SOX5: variants seen among roughly 807,000 people sequenced by gnomAD.
SOX5 encodes SRY-box transcription factor 5, also known as transcription factor SOX-5.
Under a neutral mutation model 92.0 loss-of-function variants are expected in SOX5, and 9 were observed. The observed-to-expected ratio is 0.10, with a 90% CI of 0.06 to 0.17. The LOEUF is 0.17. SOX5 is among the 10% of genes least tolerant of loss of function. The pLI is 1.00. For missense variants in SOX5, 642 were observed against 944.5 expected (o/e 0.68, Z 4.20); for synonymous variants, 344 against 336.3 (o/e 1.02, Z -0.25).
intron 4 of SOX5, among the ~76,000 whole-genome samples, chr12:24,030,130 A>G (rs778017859): frequency 2.0e-5 from 3 of 151,958 alleles, no homozygotes; most frequent in African/African-American, 4.8e-5. Context: ...CTGGCTCTAG[A>G]AAGTATGCTC....
At chr12:24,109,776 A>G (rs552546468) in intron 4 of SOX5, among the ~76,000 whole-genome samples, 2 of 152,356 alleles carry the variant, frequency 1.3e-5, no homozygotes, top group South Asian at 4.1e-4. Context: ...AAAATATCAG[A>G]TGTTGAAAAT....
intron 4 of SOX5, among the ~76,000 whole-genome samples, chr12:23,747,635 G>C (rs771804848): frequency 6.6e-6 from 1 of 152,010 alleles, no homozygotes; most frequent in Non-Finnish European, 1.5e-5. Context: ...TCTTCGCCCA[G>C]ACCCAGGTTT....
At chr12:23,979,820 C>T (rs1949359554) in intron 4 of SOX5, among the ~76,000 whole-genome samples, 2 of 140,476 alleles carry the variant, frequency 1.4e-5, no homozygotes, top group Admixed American at 7.7e-5. Flanking sequence ...TAGGCTCAAG[C>T]AATCCTCCTG....
intron 3 of SOX5, among the ~76,000 whole-genome samples, chr12:24,224,404 C>A (rs1565693183): frequency 6.6e-6 from 1 of 150,984 alleles, no homozygotes; most frequent in Non-Finnish European, 1.5e-5. Context: ...TGGTAATAAG[C>A]TATTTGAAAG....
At position 23,740,921 on chromosome 12, in the gene SOX5, A is replaced by C. The variant is rs1593899068; in HGVS notation, c.687T>G (p.Ser229=). 1.9e-6 allele frequency: 3 copies of C among 1,613,086 alleles called. No homozygotes were observed. Among genetic ancestry groups the C allele is most frequent in the Non-Finnish European group, 2.5e-6 (3 of 1,179,422 alleles). The change falls in exon 5 of 15, where the codon TCT becomes TCG. Residue 229 remains serine, a synonymous_variant. Transcript: ENST00000451604. The part of the protein sequence containing the change: ...AHDEQKKLAA[S]QIEKQRQQME... ...TTTGCTGACGCTGTTTCTCAATCTG[A>C]GAGGCAGCTAGTTTCTTCTGCTCAT... is the stretch of plus-strand genomic sequence containing the variant.
At chr12:23,537,601 A>G (rs1940840315) in intron 13 of SOX5, among the ~76,000 whole-genome samples, 1 of 152,256 alleles carries the variant, frequency 6.6e-6, no homozygotes, top group Admixed American at 6.5e-5. Flanking sequence ...TGCTTTAGTA[A>G]TAATAACCCA....
chr12:24,520,340 T>G (rs539738187), intron 1 of SOX5, among the ~76,000 whole-genome samples: 1 of 151,872 alleles, frequency 6.6e-6, no homozygotes, highest in South Asian at 2.1e-4. Flanking sequence ...CGATAAAAAT[T>G]TGTTAGAGGA....
intron 3 of SOX5, among the ~76,000 whole-genome samples, chr12:24,218,672 T>A (rs1382833190): frequency 1.3e-5 from 2 of 152,158 alleles, no homozygotes; most frequent in African/African-American, 2.4e-5. Flanking sequence ...AAAAATTACA[T>A]ACTATGAAAC....
At position 24,410,566 on chromosome 12, in the gene SOX5, G is replaced by C. The variant is rs75874638; in HGVS notation, c.-250-41927C>G. The stretch of plus-strand genomic sequence containing the variant: ...ACTCCAAGAATGAACTGTTGAAAAG[G>C]CTGTTTTTTTCTGTTGAATTGCTTT... On this transcript the variant is annotated intron_variant, in intron 1 of 4. Transcript: ENST00000446891. 4.5e-3 allele frequency among the ~76,000 whole-genome samples: 684 copies of C among 152,242 alleles called. 11 individuals carry two copies. In the East Asian group the frequency reaches 0.051, roughly 11 times the overall value.
At chr12:24,225,036 C>T (rs16927325) in intron 3 of SOX5, among the ~76,000 whole-genome samples, 56,343 of 151,990 alleles carry the variant, frequency 0.37, 10,911 homozygotes, top group East Asian at 0.73. Flanking sequence ...AATTATATGG[C>T]CATTGGATAA....
At chr12:23,948,753 G>A (rs1945030944) in intron 1 of SOX5, among the ~76,000 whole-genome samples, 1 of 151,908 alleles carries the variant, frequency 6.6e-6, no homozygotes, top group African/African-American at 2.4e-5. Context: ...ACATTAAGAG[G>A]GCTAAAATTC....
chr12:23,984,240 C>T (rs1207251467), intron 4 of SOX5, among the ~76,000 whole-genome samples: 1 of 152,094 alleles, frequency 6.6e-6, no homozygotes, highest in Non-Finnish European at 1.5e-5. Context: ...AATTGAGGGA[C>T]ACAGAAAAGT....
chr12:23,967,355 T>G (rs1271084245), intron 4 of SOX5, among the ~76,000 whole-genome samples: 1 of 152,054 alleles, frequency 6.6e-6, no homozygotes, highest in African/African-American at 2.4e-5. Context: ...AAAAAGTATA[T>G]TAAATATACA....
chr12:24,521,218 AT>A (rs1344844341), intron 1 of SOX5, among the ~76,000 whole-genome samples: 2 of 151,366 alleles, frequency 1.3e-5, no homozygotes, highest in Non-Finnish European at 2.9e-5. Flanking sequence ...CCACACCCGG[AT>A]AATTTTTGTA....
intron 3 of SOX5, among the ~76,000 whole-genome samples, chr12:23,757,843 A>C (rs1169961868): frequency 1.3e-5 from 2 of 151,842 alleles, no homozygotes; most frequent in Non-Finnish European, 2.9e-5. Flanking sequence ...TAGTGTGCTC[A>C]TAAAGAAACA....
chr12:24,050,199 T>C (rs1002346863), intron 4 of SOX5, among the ~76,000 whole-genome samples: 1 of 151,636 alleles, frequency 6.6e-6, no homozygotes, highest in African/African-American at 2.4e-5. Context: ...TTTTATAAGG[T>C]CCAGATTAAA....
At chr12:24,474,517 C>G (rs749035350) in intron 1 of SOX5, among the ~76,000 whole-genome samples, 1 of 152,002 alleles carries the variant, frequency 6.6e-6, no homozygotes, top group Non-Finnish European at 1.5e-5. Context: ...AATGATTTTC[C>G]GTAATTATGA....
At chr12:23,685,987 A>G (rs2087494155) in intron 6 of SOX5, among the ~76,000 whole-genome samples, 1 of 152,150 alleles carries the variant, frequency 6.6e-6, no homozygotes, top group Non-Finnish European at 1.5e-5. Flanking sequence ...ATAAAACACA[A>G]CAATCTTCCA....
chr12:23,927,685 G>T (rs1350977013), intron 1 of SOX5, among the ~76,000 whole-genome samples: 1 of 151,356 alleles, frequency 6.6e-6, no homozygotes, highest in Admixed American at 6.6e-5. Context: ...TTCTAAAAAA[G>T]AAACTACAAT....
Sources: gnomAD v4.1 joint callset for allele counts (sites outside exome capture counted in the v4.1 genomes callset) on GRCh38, gnomAD v4.1.1 for gene constraint, MANE v1.5 for transcripts, NCBI Gene and HGNC (gene_info 2026-07-23, HGNC 2026-07-21) for gene names.